The following MYBL2 variants were observed in gnomAD, a reference collection of about 807,000 sequenced individuals.
MYBL2 encodes MYB proto-oncogene like 2.
A neutral mutation model predicts 79.9 loss-of-function variants in MYBL2; 28 were observed. That is an observed-to-expected ratio of 0.35 (90% CI 0.26 to 0.48). The LOEUF is 0.48. Ranked by LOEUF, MYBL2 falls within the 20% of genes least tolerant of loss-of-function variation. The pLI, the probability that MYBL2 is intolerant of heterozygous loss-of-function variation, is 0.99. For synonymous variants in MYBL2, 378 were observed against 361.2 expected, an observed-to-expected ratio of 1.05 and a Z score of -0.53; for missense variants, 735 against 893.9, an observed-to-expected ratio of 0.82 and a Z score of 2.27.
intron 1 of MYBL2, among the ~76,000 whole-genome samples, chr20:43,672,643 G>T (rs111394076): frequency 5.3e-4 from 81 of 152,186 alleles, no homozygotes; most frequent in Non-Finnish European, 1.1e-3. Context: ...TTGGGAGGCT[G>T]AGGTGGGAGA....
intron 1 of MYBL2, among the ~76,000 whole-genome samples, chr20:43,671,207 G>C (rs1313655126): frequency 1.3e-5 from 2 of 151,978 alleles, no homozygotes; most frequent in Non-Finnish European, 2.9e-5. Context: ...GGAGTGCAGT[G>C]GCACAATCTC....
At chr20:43,667,922 G>A (rs983178748) in intron 1 of MYBL2, among the ~76,000 whole-genome samples, 1 of 152,286 alleles carries the variant, frequency 6.6e-6, no homozygotes, top group South Asian at 2.1e-4. Context: ...GTTCCCACGA[G>A]GAGTTTTGGG....
chr20:43,674,038 C>A, intron 2 of MYBL2, 139 bp downstream of exon 2: 2 of 748,234 alleles, frequency 2.7e-6, no homozygotes, highest in Non-Finnish European at 2.3e-6. Flanking sequence ...TCTGATTGTC[C>A]TCATGCCTCT....
At chr20:43,694,373 T>A (rs559422237) in intron 6 of MYBL2, among the ~76,000 whole-genome samples, 48 of 101,568 alleles carry the variant, frequency 4.7e-4, no homozygotes, top group African/African-American at 1.9e-3. Context: ...TAAATAAAAA[T>A]TTGAAGCAAG....
chr20:43,711,640 A>G (rs767769299), intron 11 of MYBL2, 39 bp downstream of exon 11: 11 of 1,557,612 alleles, frequency 7.1e-6, no homozygotes, highest in Middle Eastern at 1.7e-4. Context: ...GGCAGGGGGA[A>G]TTGGAGCCGT....
chr20:43,705,672 ATATTTATTTATTTATT>A (rs138328914), intron 9 of MYBL2, among the ~76,000 whole-genome samples: 85 of 144,724 alleles, frequency 5.9e-4, no homozygotes, highest in Admixed American at 2.2e-3. Flanking sequence ...AATTAAAAAA[ATATTTATTTATTTATT>A]TATTTATTTA....
At chr20:43,677,433 G>A (rs550762134) in intron 2 of MYBL2, among the ~76,000 whole-genome samples, 1 of 152,370 alleles carries the variant, frequency 6.6e-6, no homozygotes, top group Non-Finnish European at 1.5e-5. Context: ...TGGAGAAAGT[G>A]ACCTTTGAGC....
Position 43,682,806 on chromosome 20 carries a change from C to T in MYBL2, c.199C>T (p.Gln67Ter). 6.2e-7 allele frequency: 1 copy of T among 1,614,002 alleles called. No individual in the cohort carries two copies. Among genetic ancestry groups the T allele is most frequent in the Non-Finnish European group, 8.5e-7 (1 of 1,179,896 alleles). Residue 67 changes from glutamine (Q) to a stop codon, truncating the protein, a stop_gained, in exon 4 of 14, where the codon CAG (glutamine) becomes TAG (stop). Coordinates refer to ENST00000217026, the MANE Select transcript of MYBL2 (RefSeq NM_002466.4). LOFTEE classifies it high-confidence loss of function. ...GTTCTTTTCCCAGAACCGCACTGAC[C>T]AGCAATGCCAGTACAGGTGGCTGAG... is the stretch of plus-strand genomic sequence containing the variant. ...LASHFPNRTD[Q>*]QCQYRWLRVL...
At chr20:43,667,903 TC>T (rs1986758052) in intron 1 of MYBL2, among the ~76,000 whole-genome samples, 2 of 152,134 alleles carry the variant, frequency 1.3e-5, no homozygotes, top group African/African-American at 4.8e-5. Flanking sequence ...GTTTGAGACC[TC>T]TCTTCCTGTT....
Position 43,687,013 on chromosome 20 carries a change from C to T in MYBL2, c.441C>T (p.Cys147=), listed in dbSNP as rs377571351. Residue 147 remains cysteine (C), a synonymous_variant, in exon 5 of 14, where the codon TGC becomes TGT. Transcript: ENST00000217026. ...CWTEEEDRII[C]EAHKVLGNRW... ...CCGAGGAGGAGGACCGCATCATCTGCGAGGCCCACAAGGTGCTGGGCAACC... is the reference window on the plus strand; with the variant it reads ...CCGAGGAGGAGGACCGCATCATCTGTGAGGCCCACAAGGTGCTGGGCAACC... 1.1e-4 allele frequency: 179 copies of T among 1,613,818 alleles called. No individual in the cohort carries two copies. The highest frequency in any genetic ancestry group is 1.1e-3 in the East Asian group (49 of 44,898).
At chr20:43,671,947 C>T (rs140575213) in intron 1 of MYBL2, among the ~76,000 whole-genome samples, 2 of 151,540 alleles carry the variant, frequency 1.3e-5, no homozygotes, top group South Asian at 2.1e-4. Flanking sequence ...CGGTGGCTCA[C>T]GCCTGTAATC....
intron 4 of MYBL2, among the ~76,000 whole-genome samples, chr20:43,683,891 C>T (rs1987205467): frequency 6.6e-6 from 1 of 151,592 alleles, no homozygotes; most frequent in African/African-American, 2.4e-5. Flanking sequence ...TTTTTTGAGA[C>T]GAGTCTTACT....
At chr20:43,711,741 C>G (rs545404024) in intron 11 of MYBL2, 140 bp downstream of exon 11, 1 of 702,158 alleles carries the variant, frequency 1.4e-6, no homozygotes, top group East Asian at 2.8e-5. Context: ...CCCTTTCGCA[C>G]GGTGGTTGTT....
At chr20:43,673,658 A>T in intron 1 of MYBL2, 148 bp from the exon 2 acceptor site, 1 of 764,484 alleles carries the variant, frequency 1.3e-6, no homozygotes, top group East Asian at 2.5e-5. Flanking sequence ...AGTGAAGCAG[A>T]AGTGCCTATG....
At chr20:43,700,360 A>C (rs1181045610) in intron 7 of MYBL2, among the ~76,000 whole-genome samples, 1 of 152,170 alleles carries the variant, frequency 6.6e-6, no homozygotes, top group East Asian at 1.9e-4. Context: ...CTGGCAGGTG[A>C]CAGCACAGGA....
At chr20:43,702,362 C>A in intron 7 of MYBL2, 128 bp from the exon 8 acceptor site, 3 of 1,034,004 alleles carry the variant, frequency 2.9e-6, no homozygotes, top group Non-Finnish European at 4.2e-6. Flanking sequence ...TGAGGAAATG[C>A]ATGAAATATT....
chr20:43,688,010 CA>C (rs11086887), intron 5 of MYBL2, among the ~76,000 whole-genome samples: 356 of 117,360 alleles, frequency 3.0e-3, no homozygotes, highest in African/African-American at 8.8e-3. Context: ...AGACTGTCTC[CA>C]AAAAAAAAAA....
At chr20:43,667,349 T>A in intron 1 of MYBL2, 46 bp downstream of exon 1, 2 of 1,149,068 alleles carry the variant, frequency 1.7e-6, no homozygotes, top group Non-Finnish European at 1.1e-6. Flanking sequence ...TCCCTTTAAC[T>A]CACCCCTCCC....
intron 10 of MYBL2, among the ~76,000 whole-genome samples, chr20:43,711,097 G>C (rs751962078): frequency 2.0e-5 from 3 of 152,228 alleles, no homozygotes; most frequent in Non-Finnish European, 4.4e-5. Flanking sequence ...GCCCCCATTA[G>C]TGTGGAACAA....
Sources: allele counts gnomAD v4.1 joint callset (sites outside exome capture counted in the v4.1 genomes callset), GRCh38; gene constraint gnomAD v4.1.1; transcripts MANE v1.5; gene names NCBI Gene and HGNC (gene_info 2026-07-23, HGNC 2026-07-21).